RBFOX1: variants seen among roughly 807,000 people sequenced by gnomAD.
RBFOX1 encodes the protein RNA binding protein fox-1 homolog 1.
Under a neutral mutation model 57.7 loss-of-function variants are expected in RBFOX1, and 8 were observed. The ratio of observed to expected loss-of-function variants is 0.14; its 90% CI spans 0.08 to 0.25. The LOEUF is 0.25. RBFOX1 is among the 10% of genes least tolerant of loss of function. The probability of loss-of-function intolerance (pLI) is 1.00; values close to 1 mark genes in which losing one functional copy is unlikely to be tolerated. For missense variants in RBFOX1, 611 were observed against 548.5 expected (o/e 1.11, Z -1.14); for synonymous variants, 326 against 222.4 (o/e 1.47, Z -4.15).
chr16:7,392,810 G>T (rs564673232), intron 4 of RBFOX1, among the ~76,000 whole-genome samples: 1 of 152,132 alleles, frequency 6.6e-6, no homozygotes, highest in Admixed American at 6.5e-5. Context: ...GGATTGTTTT[G>T]ACTCTCTTTG....
intron 3 of RBFOX1, among the ~76,000 whole-genome samples, chr16:6,736,270 C>T (rs1266657780): frequency 6.6e-6 from 1 of 152,032 alleles, no homozygotes; most frequent in African/African-American, 2.4e-5. Context: ...GATTTTGGTG[C>T]ACCCATCACT....
chr16:7,286,417 G>A (rs2095651826), intron 4 of RBFOX1, among the ~76,000 whole-genome samples: 2 of 151,232 alleles, frequency 1.3e-5, no homozygotes, highest in Admixed American at 6.6e-5. Flanking sequence ...GTCAGAGTGG[G>A]AATTTGGGTT....
chr16:5,871,627 C>G (rs1420493835), intron 4 of RBFOX1, among the ~76,000 whole-genome samples: 4 of 152,154 alleles, frequency 2.6e-5, no homozygotes, highest in South Asian at 2.1e-4. Flanking sequence ...TCTGAGTCCT[C>G]TCCACCACCA....
At position 6,976,081 on chromosome 16, in the gene RBFOX1, C is replaced by G. The variant is rs116092503; in HGVS notation, c.-15-75976C>G. On this transcript the variant is annotated intron_variant, in intron 3 of 15. Transcript: ENST00000550418. ...GGTGGAGGTTTCAATGAGCCAAGAT[C>G]GTCCCACTGCAGTTCAGCCTGGGCG... Among the ~76,000 whole-genome samples, 773 of 152,214 alleles carry G rather than the reference C, an allele frequency of 5.1e-3. 4 individuals are homozygous for G. The highest frequency in any genetic ancestry group is 0.017 in the African/African-American group (724 of 41,540).
rs538297086 is a variant in RBFOX1 at position 6,331,137 on chromosome 16, G to C, written c.-64+14080G>C. ...AGAAGGCTTGAAGAGGAGGCAAAAA[G>C]AACAGTTAAGTGGGTTATTGAAATA... On this transcript the variant is annotated intron_variant, in intron 2 of 15. Transcript: ENST00000550418. 2.6e-5 allele frequency among the ~76,000 whole-genome samples: 4 copies of C among 152,266 alleles called. 1 individual carries two copies. The highest frequency in any genetic ancestry group is 9.6e-5 in the African/African-American group (4 of 41,588).
intron 1 of RBFOX1, chr16:6,059,329 G>A (rs2095655127): frequency 6.6e-6 from 1 of 152,308 alleles, no homozygotes; most frequent in Non-Finnish European, 1.5e-5. Flanking sequence ...GAACAGGAGT[G>A]CGTGGTATCT....
At chr16:7,467,553 G>A (rs1276195069) in intron 4 of RBFOX1, among the ~76,000 whole-genome samples, 1 of 152,138 alleles carries the variant, frequency 6.6e-6, no homozygotes, top group South Asian at 2.1e-4. Flanking sequence ...AATAAACGTG[G>A]GTTCAAATCC....
At chr16:6,397,558 G>C (rs1596572849) in intron 2 of RBFOX1, among the ~76,000 whole-genome samples, 1 of 152,184 alleles carries the variant, frequency 6.6e-6, no homozygotes, top group East Asian at 1.9e-4. Context: ...GGTATCTTCA[G>C]AGTGAAAGGA....
chr16:5,404,641 C>G (rs1271395939), intron 1 of RBFOX1, among the ~76,000 whole-genome samples: 1 of 152,140 alleles, frequency 6.6e-6, no homozygotes, highest in Non-Finnish European at 1.5e-5. Context: ...ATCACAGAGC[C>G]CTGAACCCCT....
chr16:7,308,723 C>T (rs959652452), intron 4 of RBFOX1, among the ~76,000 whole-genome samples: 2 of 152,176 alleles, frequency 1.3e-5, no homozygotes, highest in African/African-American at 2.4e-5. Context: ...AATTAGAAAG[C>T]GATTCTCAGT....
At chr16:7,201,843 G>A (rs1370763673) in intron 4 of RBFOX1, among the ~76,000 whole-genome samples, 1 of 152,186 alleles carries the variant, frequency 6.6e-6, no homozygotes, top group African/African-American at 2.4e-5. Flanking sequence ...GCTCATTTGG[G>A]CAGTGACTGT....
chr16:6,126,207 C>T (rs1204541147), intron 1 of RBFOX1, among the ~76,000 whole-genome samples: 1 of 152,132 alleles, frequency 6.6e-6, no homozygotes, highest in African/African-American at 2.4e-5. Flanking sequence ...GAAAATTCAC[C>T]CACAAACTAG....
rs1476932491 is a variant in RBFOX1 at position 5,747,288 on chromosome 16, GTA to G, written c.319-120013_319-120012del. Among the ~76,000 whole-genome samples the G allele has an allele frequency of 5.3e-5, 8 of 152,276 alleles. No homozygotes were observed. The East Asian group carries it at 1.5e-3, about 29-fold the overall frequency. On this transcript the variant is annotated intron_variant, in intron 3 of 19. Transcript: ENST00000641259. ...ATGTGCTGCTGGATTCAGTTTGCCA[GTA>G]TTTTATTGAGGATTTTTACATCAAT... is the stretch of plus-strand genomic sequence containing the variant.
rs561900570 is a variant in RBFOX1 at position 6,775,459 on chromosome 16, A to C, written c.-16+120809A>C. ...TTAACATCTTGTCTTGCCTAATCCC[A>C]AAAAGAAAAAAAAATAGGTGATAAG... is the stretch of plus-strand genomic sequence containing the variant. On this transcript the variant is annotated intron_variant, in intron 3 of 15. Transcript: ENST00000550418. 2.2e-4 allele frequency among the ~76,000 whole-genome samples: 32 copies of C among 143,128 alleles called. No homozygotes were observed. The East Asian group carries it at 5.9e-3, about 26-fold the overall frequency. 93.9% of individuals were successfully genotyped at this position (143,128 alleles called of 152,430 possible). A position where few individuals can be genotyped will look rare whatever the true frequency, so the allele number is the denominator to read the frequency against.
rs116339466 is a variant in RBFOX1, at chr16:7,016,615, T to C, written c.-15-35442T>C. On this transcript the variant is annotated intron_variant, in intron 3 of 15. Transcript: ENST00000550418. ...TTCCACTTGGGTAGACACGCCTCAC[T>C]TGGTGGATGTGGAAACAGGCGTGAT... is the stretch of plus-strand genomic sequence containing the variant. Among the ~76,000 whole-genome samples the C allele has an allele frequency of 6.8e-3, 1,042 of 152,276 alleles. 12 individuals carry two copies. Among genetic ancestry groups the C allele is most frequent in the African/African-American group, 0.024 (981 of 41,558 alleles).
At chr16:6,764,845 G>T (rs1168107431) in intron 3 of RBFOX1, among the ~76,000 whole-genome samples, 2 of 152,124 alleles carry the variant, frequency 1.3e-5, no homozygotes, top group Non-Finnish European at 2.9e-5. Flanking sequence ...GCTGAGGCAG[G>T]AGAATCTCTT....
chr16:5,791,666 A>G (rs531171400), intron 3 of RBFOX1, among the ~76,000 whole-genome samples: 8 of 152,336 alleles, frequency 5.3e-5, no homozygotes, highest in African/African-American at 1.4e-4. Flanking sequence ...ATGCAAATTC[A>G]CATCTGGCTA....
At chr16:5,869,544 G>A (rs1190954123) in intron 4 of RBFOX1, among the ~76,000 whole-genome samples, 1 of 152,078 alleles carries the variant, frequency 6.6e-6, no homozygotes, top group Non-Finnish European at 1.5e-5. Flanking sequence ...TGGGAGTACA[G>A]GTGCGTGCCA....
intron 2 of RBFOX1, among the ~76,000 whole-genome samples, chr16:6,422,158 C>G (rs374265181): frequency 1.7e-4 from 26 of 151,574 alleles, no homozygotes; most frequent in African/African-American, 6.0e-4. Context: ...CCTGACCTTA[C>G]GTAATCTGCC....
Sources: allele counts gnomAD v4.1 joint callset (sites outside exome capture counted in the v4.1 genomes callset), GRCh38; gene constraint gnomAD v4.1.1; transcripts MANE v1.5; gene names NCBI Gene and HGNC (gene_info 2026-07-23, HGNC 2026-07-21).